Variants in STXBP5 observed in about 807,000 individuals in gnomAD.
STXBP5 encodes syntaxin binding protein 5, also known as syntaxin-binding protein 5.
A neutral mutation model predicts 152.4 loss-of-function variants in STXBP5; 50 were observed. That is an observed-to-expected ratio of 0.33 (90% CI 0.26 to 0.42). The LOEUF (loss-of-function observed/expected upper bound fraction) is 0.42. STXBP5 is among the 10% of genes least tolerant of loss of function. The pLI is 1.00. For synonymous variants in STXBP5, 492 were observed against 494.7 expected, an observed-to-expected ratio of 0.99 and a Z score of 0.07; for missense variants, 1,167 against 1,388.6, an observed-to-expected ratio of 0.84 and a Z score of 2.54.
At chr6:147,313,770 A>T in intron 11 of STXBP5, 114 bp from the exon 12 acceptor site, 1 of 676,868 alleles carries the variant, frequency 1.5e-6, no homozygotes, top group Non-Finnish European at 2.2e-6. Context: ...ACAAAAATTA[A>T]ATCAATTTAA....
At chr6:147,262,415 A>G (rs1779687055) in intron 6 of STXBP5, 62 bp downstream of exon 6, 10 of 1,009,922 alleles carry the variant, frequency 9.9e-6, no homozygotes, top group Non-Finnish European at 1.2e-5. Context: ...TTCAATAAAC[A>G]TGCTATTTCA....
At position 147,385,928 on chromosome 6, in the gene STXBP5, A is replaced by G. The variant is rs1583024165; in HGVS notation, c.*1173A>G. ...TGATGACCTACAAAATATTTTGTGT[A>G]GAAATATACTATAAATCTGTACATA... On this transcript the variant is annotated 3_prime_UTR_variant, in exon 28 of 28. Transcript: ENST00000321680. 1 of 152,124 alleles carries G rather than the reference A, an allele frequency of 6.6e-6. No homozygotes were observed. The highest frequency in any genetic ancestry group is 1.9e-4 in the East Asian group (1 of 5,186). 9.4% of individuals were successfully genotyped at this position (152,124 alleles called of 1,614,324 possible). A position where few individuals can be genotyped will look rare whatever the true frequency, so the allele number is the denominator to read the frequency against.
At chr6:147,375,082 C>G (rs936306128) in intron 26 of STXBP5, among the ~76,000 whole-genome samples, 4 of 152,140 alleles carry the variant, frequency 2.6e-5, no homozygotes, top group Non-Finnish European at 5.9e-5. Context: ...CTCAAATTAT[C>G]TCTACAAATA....
chr6:147,311,573 A>T (rs767282672), intron 11 of STXBP5, 46 bp downstream of exon 11: 21 of 1,425,072 alleles, frequency 1.5e-5, no homozygotes, highest in Non-Finnish European at 2.1e-5. Flanking sequence ...ATGTGGTTGA[A>T]AAAAGATGCC....
chr6:147,327,418 T>C (rs1172283386), intron 18 of STXBP5, 142 bp downstream of exon 18: 1 of 1,020,028 alleles, frequency 9.8e-7, no homozygotes, highest in Non-Finnish European at 1.4e-6. Context: ...CTAGCAAAAG[T>C]TGTGAGTCTT....
chr6:147,366,756 C>T (rs1785308848), intron 25 of STXBP5, among the ~76,000 whole-genome samples: 1 of 152,158 alleles, frequency 6.6e-6, no homozygotes, highest in African/African-American at 2.4e-5. Context: ...TTTGTTGGTC[C>T]AGAGATTAGG....
At chr6:147,380,445 T>C (rs1327191070) in intron 26 of STXBP5, among the ~76,000 whole-genome samples, 2 of 146,834 alleles carry the variant, frequency 1.4e-5, no homozygotes, top group African/African-American at 5.0e-5. Context: ...TAACTAGATA[T>C]TCATCTGCAA....
intron 5 of STXBP5, among the ~76,000 whole-genome samples, chr6:147,261,057 C>T (rs1027520666): frequency 6.6e-6 from 1 of 151,798 alleles, no homozygotes; most frequent in South Asian, 2.1e-4. Context: ...TTTTTCTGTT[C>T]TCTTATCTTC....
In STXBP5 at chr6:147,310,825, G is replaced by A. The variant is rs184887534; in HGVS notation, c.1072+587G>A. Among the ~76,000 whole-genome samples, 282 of 152,216 alleles carry A rather than the reference G, an allele frequency of 1.9e-3. 4 individuals carry two copies. The highest frequency in any genetic ancestry group is 3.5e-3 in the South Asian group (17 of 4,826). On this transcript the variant is annotated intron_variant, in intron 10 of 27. Transcript: ENST00000321680. ...TTTAGAGGGTAATGGGCTTGACTCA[G>A]AATCTACTGATTTAAATGCTAATCA...
intron 4 of STXBP5, 100 bp from the exon 5 acceptor site, chr6:147,260,515 T>C: frequency 7.5e-7 from 1 of 1,324,594 alleles, no homozygotes; most frequent in Non-Finnish European, 1.1e-6. Context: ...TATACCAGTT[T>C]TGCTGTTCCT....
chr6:147,228,229 G>A (rs79659451), intron 2 of STXBP5, among the ~76,000 whole-genome samples: 5,376 of 152,114 alleles, frequency 0.035, 146 homozygotes, highest in Admixed American at 0.054. Flanking sequence ...CTTACAAAAA[G>A]AATGATAAGA....
intron 21 of STXBP5, among the ~76,000 whole-genome samples, chr6:147,348,899 T>C (rs1051328650): frequency 1.3e-5 from 2 of 152,152 alleles, no homozygotes; most frequent in African/African-American, 2.4e-5. Context: ...CTTTATATAG[T>C]TGATCTCAAC....
chr6:147,359,729 C>T (rs544588930), intron 23 of STXBP5, among the ~76,000 whole-genome samples: 50 of 149,828 alleles, frequency 3.3e-4, no homozygotes, highest in African/African-American at 1.2e-3. Flanking sequence ...TTTGTTCTTG[C>T]GATAGTTTAC....
chr6:147,354,697 T>C (rs1175251553), intron 22 of STXBP5, among the ~76,000 whole-genome samples: 1 of 152,224 alleles, frequency 6.6e-6, no homozygotes, highest in Non-Finnish European at 1.5e-5. Context: ...CCAATTATTT[T>C]TTAAGGCATA....
chr6:147,249,724 T>C (rs985297710), intron 4 of STXBP5, among the ~76,000 whole-genome samples: 1 of 152,162 alleles, frequency 6.6e-6, no homozygotes, highest in African/African-American at 2.4e-5. Context: ...AGAGATTGTT[T>C]CTAAAAGTGT....
intron 9 of STXBP5, among the ~76,000 whole-genome samples, chr6:147,298,476 G>T (rs1402063065): frequency 6.6e-6 from 1 of 152,038 alleles, no homozygotes; most frequent in Admixed American, 6.6e-5. Flanking sequence ...CAATGTAGAC[G>T]AAGTGGATCT....
chr6:147,317,022 A>G (rs1294141740), intron 16 of STXBP5, among the ~76,000 whole-genome samples: 2 of 152,246 alleles, frequency 1.3e-5, no homozygotes, highest in Admixed American at 6.5e-5. Flanking sequence ...TTGAAAAAGT[A>G]CATGAAGACT....
chr6:147,211,763 C>T (rs929435659), intron 2 of STXBP5, among the ~76,000 whole-genome samples: 3 of 151,960 alleles, frequency 2.0e-5, no homozygotes, highest in South Asian at 2.1e-4. Context: ...TTATTTTTGG[C>T]GGAGACAGAG....
rs1785159272 is a variant in STXBP5, at chr6:147,363,509, A to C, written c.2720A>C (p.Gln907Pro). The change falls in exon 24 of 28, where the codon CAG becomes CCG. Residue 907 changes from glutamine (Q) to proline (P), a missense_variant. This residue lies in a region of STXBP5 where 833 missense variants were observed against 986.3 expected (regional missense o/e 0.84). Coordinates refer to ENST00000321680, the MANE Select transcript of STXBP5 (RefSeq NM_001127715.4). ...GTCTCAGTATCCCCCTCCTCTTCTC[A>C]GGAAATTAGTGAAAACCAGTATGCA... ...RPVSVSPSSSQEISENQYAVI... is the reference protein window; with the variant it reads ...RPVSVSPSSSPEISENQYAVI... 4 of 1,614,040 alleles carry C rather than the reference A, an allele frequency of 2.5e-6. No individual in the cohort carries two copies. The highest frequency in any genetic ancestry group is 2.2e-5 in the South Asian group (2 of 91,090).
Sources: gnomAD v4.1 joint callset for allele counts (sites outside exome capture counted in the v4.1 genomes callset) on GRCh38, gnomAD v4.1.1 for gene constraint, gnomAD v4.1.1 regional missense constraint, MANE v1.5 for transcripts, NCBI Gene and HGNC (gene_info 2026-07-23, HGNC 2026-07-21) for gene names.